LINGO2: variants seen among roughly 807,000 people sequenced by gnomAD.
LINGO2 encodes the protein leucine-rich repeat and immunoglobulin-like domain-containing nogo receptor-interacting protein 2.
Under a neutral mutation model 30.6 loss-of-function variants are expected in LINGO2, and 14 were observed. The observed-to-expected ratio is 0.46, with a 90% CI of 0.30 to 0.72. The LOEUF (loss-of-function observed/expected upper bound fraction) is 0.72. LINGO2 is among the 30% of genes least tolerant of loss of function. The probability of loss-of-function intolerance (pLI) is 0.07; values close to 1 mark genes in which losing one functional copy is unlikely to be tolerated. For synonymous variants in LINGO2, 317 were observed against 288.5 expected (o/e 1.10, Z -1.00); for missense variants, 729 against 751.7 (o/e 0.97, Z 0.35).
At chr9:28,894,478 C>A in the LINGO2 span, among the ~76,000 whole-genome samples, 6 of 151,886 alleles carry the variant, frequency 4.0e-5, no homozygotes, top group African/African-American at 1.2e-4. Context: ...TCTTATGACT[C>A]AGTTTCATTT....
the LINGO2 span, among the ~76,000 whole-genome samples, chr9:29,143,125 T>A: frequency 6.6e-6 from 1 of 152,138 alleles, no homozygotes; most frequent in South Asian, 2.1e-4. Context: ...CTACAAAACA[T>A]TTCTGAAATA....
chr9:28,047,103 A>T (rs946115152), intron 4 of LINGO2, among the ~76,000 whole-genome samples: 1 of 152,148 alleles, frequency 6.6e-6, no homozygotes, highest in African/African-American at 2.4e-5. Flanking sequence ...TTAAGAGAGC[A>T]ATCAGTGGCT....
intron 1 of LINGO2, among the ~76,000 whole-genome samples, chr9:28,576,167 C>A (rs984922156): frequency 6.6e-6 from 1 of 152,216 alleles, no homozygotes; most frequent in African/African-American, 2.4e-5. Context: ...AATCATTTGG[C>A]AACACTGTAC....
the LINGO2 span, among the ~76,000 whole-genome samples, chr9:28,743,634 T>C: frequency 1.3e-5 from 2 of 152,074 alleles, no homozygotes; most frequent in African/African-American, 2.4e-5. Context: ...CTTTCAGGCT[T>C]CCATTATTTC....
chr9:28,136,041 A>C (rs1328513850), intron 4 of LINGO2, among the ~76,000 whole-genome samples: 1 of 152,214 alleles, frequency 6.6e-6, no homozygotes, highest in Admixed American at 6.5e-5. Context: ...ATTATTTCTA[A>C]GGTTTCTTCA....
At chr9:28,571,431 C>T (rs1270315206) in intron 1 of LINGO2, among the ~76,000 whole-genome samples, 2 of 152,032 alleles carry the variant, frequency 1.3e-5, no homozygotes, top group Admixed American at 6.6e-5. Flanking sequence ...GATGAAAGCA[C>T]ACATAATAAT....
intron 4 of LINGO2, among the ~76,000 whole-genome samples, chr9:28,286,282 T>A (rs1338521466): frequency 1.3e-5 from 2 of 152,176 alleles, no homozygotes; most frequent in Admixed American, 6.5e-5. Context: ...CCAGTCAGAA[T>A]GGCTACTATT....
At chr9:28,976,389 C>A in the LINGO2 span, among the ~76,000 whole-genome samples, 1 of 152,212 alleles carries the variant, frequency 6.6e-6, no homozygotes, top group Non-Finnish European at 1.5e-5. Flanking sequence ...CATTGTCATA[C>A]CATGATCTGG....
the LINGO2 span, among the ~76,000 whole-genome samples, chr9:29,003,833 T>TA: frequency 1.3e-5 from 2 of 152,134 alleles, no homozygotes; most frequent in South Asian, 4.1e-4. Flanking sequence ...AAAGACAACT[T>TA]ATCTGAGGGA....
At chr9:28,908,810 T>C in the LINGO2 span, among the ~76,000 whole-genome samples, 27 of 152,094 alleles carry the variant, frequency 1.8e-4, no homozygotes, top group Admixed American at 5.2e-4. Context: ...CTTCAGCCTT[T>C]GCTACAATGA....
In LINGO2 at chr9:28,055,765, G is replaced by A. The variant is rs555084686; in HGVS notation, c.-86-43360C>T. ...CAAGTCTCTCTTGGAAGTTTAAGTAGTTCAAATTGCTATCTTTAGTTCTAT... is the reference window on the plus strand; with the variant it reads ...CAAGTCTCTCTTGGAAGTTTAAGTAATTCAAATTGCTATCTTTAGTTCTAT... On this transcript the variant is annotated intron_variant, in intron 4 of 5. Transcript: ENST00000379992. 2.6e-5 allele frequency among the ~76,000 whole-genome samples: 4 copies of A among 152,252 alleles called. No individual in the cohort carries two copies. In the East Asian group the frequency reaches 7.7e-4, roughly 29 times the overall value.
chr9:27,980,147 C>A (rs771046330), intron 5 of LINGO2, among the ~76,000 whole-genome samples: 8 of 151,876 alleles, frequency 5.3e-5, no homozygotes, highest in Non-Finnish European at 1.2e-4. Flanking sequence ...AAGGAAGGAT[C>A]CTGCTTAGCC....
chr9:28,967,655 T>C, the LINGO2 span, among the ~76,000 whole-genome samples: 2 of 152,154 alleles, frequency 1.3e-5, no homozygotes, highest in African/African-American at 4.8e-5. Context: ...AGATTGACCA[T>C]TAGTCTGAGT....
At chr9:28,849,989 G>A in the LINGO2 span, among the ~76,000 whole-genome samples, 3 of 151,920 alleles carry the variant, frequency 2.0e-5, no homozygotes, top group African/African-American at 7.3e-5. Flanking sequence ...ATTCTTCTAA[G>A]CCCATGGTCT....
chr9:29,046,873 G>C, the LINGO2 span, among the ~76,000 whole-genome samples: 1 of 151,960 alleles, frequency 6.6e-6, no homozygotes, highest in Non-Finnish European at 1.5e-5. Context: ...GAGGTCAGGA[G>C]TTTGAGACCA....
At chr9:28,518,528 A>T (rs1235246152) in intron 1 of LINGO2, among the ~76,000 whole-genome samples, 1 of 152,176 alleles carries the variant, frequency 6.6e-6, no homozygotes. Context: ...TTCTTCCTTA[A>T]AACAGGAGAT....
At chr9:28,598,839 A>C (rs1825332232) in intron 1 of LINGO2, 1 of 152,172 alleles carries the variant, frequency 6.6e-6, no homozygotes, top group Non-Finnish European at 1.5e-5. Flanking sequence ...AGTTGTGTAG[A>C]TGATGGAGGT....
intron 4 of LINGO2, among the ~76,000 whole-genome samples, chr9:28,272,228 C>T (rs1452104945): frequency 2.0e-5 from 3 of 152,066 alleles, no homozygotes; most frequent in Admixed American, 6.6e-5. Flanking sequence ...CAGAGGAACC[C>T]TGACAACAGG....
the LINGO2 span, among the ~76,000 whole-genome samples, chr9:29,180,200 C>T: frequency 6.6e-6 from 1 of 152,124 alleles, no homozygotes; most frequent in Non-Finnish European, 1.5e-5. Context: ...TGGAGAGCAA[C>T]AAGAATATCT....
Sources: gnomAD v4.1 joint callset for allele counts (sites outside exome capture counted in the v4.1 genomes callset) on GRCh38, gnomAD v4.1.1 for gene constraint, MANE v1.5 for transcripts, NCBI Gene and HGNC (gene_info 2026-07-23, HGNC 2026-07-21) for gene names.